Variants in ATP13A1 observed in about 807,000 individuals in gnomAD.
ATP13A1 encodes the protein ATPase 13A1, also known as endoplasmic reticulum transmembrane helix translocase.
A neutral mutation model predicts 134.8 loss-of-function variants in ATP13A1; 55 were observed. The ratio of observed to expected loss-of-function variants is 0.41; its 90% confidence interval spans 0.33 to 0.51. ATP13A1 has a LOEUF of 0.51. Ranked by LOEUF, ATP13A1 falls within the 20% of genes least tolerant of loss-of-function variation. ATP13A1 has a pLI of 0.29. For synonymous variants in ATP13A1, 775 were observed against 725.1 expected, an observed-to-expected ratio of 1.07 and a Z score of -1.10; for missense variants, 1,389 against 1,652.8, an observed-to-expected ratio of 0.84 and a Z score of 2.77.
At chr19:19,646,440 G>A (rs915366371) in intron 22 of ATP13A1, 93 bp from the exon 23 acceptor site, 3 of 1,466,166 alleles carry the variant, frequency 2.0e-6, no homozygotes, top group African/African-American at 1.4e-5. Context: ...TGCCTCCCGG[G>A]AGACCTTGTG....
rs370349231 is a variant in ATP13A1, at chr19:19,655,675, C to A, written c.1270-21G>T. The A allele has an allele frequency of 2.2e-4, 353 of 1,608,204 alleles. No homozygotes were observed. Among genetic ancestry groups the A allele is most frequent in the Non-Finnish European group, 2.9e-4 (340 of 1,177,438 alleles). On this transcript the variant is annotated intron_variant, in intron 9 of 25. Coordinates refer to ENST00000357324, the MANE Select transcript of ATP13A1 (RefSeq NM_020410.3). This position sits in a 1 kb window ranked among gnomAD's most constrained non-coding sequence, Gnocchi z 5.7. ...TTGCCCTGGAGGAATGGAGGAACAGCCTTTCTGCTGTCTGGACTCCCTCCA... is the reference window on the plus strand; with the variant it reads ...TTGCCCTGGAGGAATGGAGGAACAGACTTTCTGCTGTCTGGACTCCCTCCA...
In ATP13A1 at chr19:19,645,534, TGTCGG is replaced by T; in HGVS notation, c.3505-7_3505-3del. ...GACCTGGGCAATGACCAGCTTGAAC[TGTCGG>T]GGCAGGGAGGGATGGTGAGCTGGAG... On this transcript the variant is annotated splice_polypyrimidine_tract_variant and splice_region_variant and intron_variant, in intron 25 of 25. Coordinates refer to ENST00000357324, the MANE Select transcript of ATP13A1 (RefSeq NM_020410.3). The surrounding 1 kb of genome is among the most constrained non-coding windows in gnomAD (Gnocchi z 4.1). The T allele has an allele frequency of 6.3e-7, 1 of 1,594,962 alleles. No individual in the cohort carries two copies. The highest frequency in any genetic ancestry group is 8.5e-7 in the Non-Finnish European group (1 of 1,171,028).
chr19:19,647,845 C>T lies in ATP13A1; in HGVS notation c.2633-86G>A. On this transcript the variant is annotated intron_variant, in intron 19 of 25. Transcript: ENST00000357324. This position sits in a 1 kb window ranked among gnomAD's most constrained non-coding sequence, Gnocchi z 4.8. ...GCTTCAGAGCCACTGGTCCTGAAGT[C>T]CCCCAGCTGGCTCCCGTGAGGACAG... The T allele has an allele frequency of 1.4e-6, 2 of 1,463,054 alleles. No individual in the cohort carries two copies. The highest frequency in any genetic ancestry group is 2.5e-5 in the East Asian group (1 of 40,342). The allele number at this position is 1,463,054 out of a possible 1,614,324, so 90.6% of individuals were successfully genotyped here. A position where few individuals can be genotyped will look rare whatever the true frequency, so the allele number is the denominator to read the frequency against.
intron 23 of ATP13A1, 101 bp from the exon 24 acceptor site, chr19:19,646,086 C>A: frequency 6.3e-7 from 1 of 1,588,524 alleles, no homozygotes; most frequent in Non-Finnish European, 8.6e-7. Context: ...CTCTGCCTGG[C>A]CTAGTGCCCC....
Position 19,656,731 on chromosome 19 carries a change from C to T in ATP13A1, c.1012G>A (p.Val338Met). The change falls in exon 7 of 26, where the codon GTG becomes ATG. Residue 338 changes from valine to methionine, a missense_variant. Physicochemically the swap from Val to Met is conservative, Grantham distance 21. Around this residue, in one of 4 missense-constraint regions of ATP13A1, gnomAD observed 747 missense variants for 956.1 expected, o/e 0.78. Coordinates refer to ENST00000357324, the MANE Select transcript of ATP13A1 (RefSeq NM_020410.3). The surrounding 1 kb of genome is among the most constrained non-coding windows in gnomAD (Gnocchi z 4.6). The part of the protein sequence containing the change: ...SPQENLVPCD[V>M]LLLRGRCIVD... The stretch of plus-strand genomic sequence containing the variant: ...ATGCAGCGGCCTCGCAGCAGAAGCA[C>T]GTCACATGGCACCAGGTTCTCCTGT... The T allele has an allele frequency of 9.3e-6, 15 of 1,613,810 alleles. No homozygotes were observed. Among genetic ancestry groups the T allele is most frequent in the East Asian group, 2.2e-5 (1 of 44,890 alleles).
chr19:19,645,801 G>A lies in ATP13A1; in HGVS notation c.3361-11C>T. ...CATGAAGGGCGGGCCCTGTGGGGAT[G>A]AGGGACAGATGGCTTCATGGGGTGG... On this transcript the variant is annotated splice_polypyrimidine_tract_variant and intron_variant, in intron 24 of 25. Coordinates refer to ENST00000357324, the MANE Select transcript of ATP13A1 (RefSeq NM_020410.3). The surrounding 1 kb of genome is among the most constrained non-coding windows in gnomAD (Gnocchi z 4.1). 1 of 1,609,320 alleles carries A rather than the reference G, an allele frequency of 6.2e-7. No individual in the cohort carries two copies. The highest frequency in any genetic ancestry group is 8.5e-7 in the Non-Finnish European group (1 of 1,177,392).
chr19:19,655,008 G>T lies in ATP13A1; in HGVS notation c.1655+111C>A. The stretch of plus-strand genomic sequence containing the variant: ...GCCCCTGGAAATGAACCCGAGGCAG[G>T]GCCTCTGACGGGCCCTCACTGCAAG... On this transcript the variant is annotated intron_variant, in intron 12 of 25. Transcript: ENST00000357324. This position sits in a 1 kb window ranked among gnomAD's most constrained non-coding sequence, Gnocchi z 5.7. 1 of 1,476,400 alleles carries T rather than the reference G, an allele frequency of 6.8e-7. No homozygotes were observed. Among genetic ancestry groups the T allele is most frequent in the Non-Finnish European group, 9.0e-7 (1 of 1,107,276 alleles). 91.5% of individuals were successfully genotyped at this position (1,476,400 alleles called of 1,614,324 possible).
In ATP13A1 at chr19:19,647,258, C is replaced by G. The variant is rs368988566; in HGVS notation, c.2976G>C (p.Ala992=). The G allele has an allele frequency of 1.3e-4, 216 of 1,613,688 alleles. No homozygotes were observed. Among genetic ancestry groups the G allele is most frequent in the Admixed American group, 2.0e-4 (12 of 59,984 alleles). The change falls in exon 22 of 26, where the codon GCG becomes GCC. Residue 992 remains alanine (A), a synonymous_variant. Coordinates refer to ENST00000357324, the MANE Select transcript of ATP13A1 (RefSeq NM_020410.3). This position sits in a 1 kb window ranked among gnomAD's most constrained non-coding sequence, Gnocchi z 4.8. The part of the protein sequence containing the change: ...VTTLQMFKIL[A]LNALILAYSQ... ...TGTAGGCCAGGATGAGGGCATTGAG[C>G]GCCAGGATCTTGAACATCTGTAGCG...
Position 19,647,068 on chromosome 19 carries a change from A to G in ATP13A1, c.3105+61T>C, listed in dbSNP as rs879156343. 98 of 1,518,354 alleles carry G rather than the reference A, an allele frequency of 6.5e-5. No homozygotes were observed. The highest frequency in any genetic ancestry group is 1.6e-4 in the South Asian group (13 of 80,192). 94.1% of individuals were successfully genotyped at this position (1,518,354 alleles called of 1,614,324 possible). A position where few individuals can be genotyped will look rare whatever the true frequency, so the allele number is the denominator to read the frequency against. ...CTTGGGGATGACAATTCCCGTGCCT[A>G]TATCAGCCTGGCCCTGGCAGGCCCA... is the stretch of plus-strand genomic sequence containing the variant. On this transcript the variant is annotated intron_variant, in intron 22 of 25. Transcript: ENST00000357324. This position sits in a 1 kb window ranked among gnomAD's most constrained non-coding sequence, Gnocchi z 4.8.
chr19:19,659,736 T>C lies in ATP13A1; in HGVS notation c.542A>G (p.Tyr181Cys), dbSNP rs769968156. Residue 181 changes from tyrosine (Y) to cysteine (C), a missense_variant, in exon 3 of 26, where the codon TAC becomes TGC. By Grantham distance (194) the Tyr-to-Cys change is radical. This residue lies in a region of ATP13A1 where 293 missense variants were observed against 270.8 expected (regional missense o/e 1.08). Coordinates refer to ENST00000357324, the MANE Select transcript of ATP13A1 (RefSeq NM_020410.3). Reference protein sequence around the residue: ...SFEFQKIKYSYDALEKKQFLP... With the variant: ...SFEFQKIKYSCDALEKKQFLP... ...AAACTGCTTCTTCTCCAGGGCATCG[T>C]AGGAATACTTGATCTTCTGGAATTC... 3.1e-6 allele frequency: 5 copies of C among 1,613,918 alleles called. No homozygotes were observed. The highest frequency in any genetic ancestry group is 4.2e-6 in the Non-Finnish European group (5 of 1,179,860).
In ATP13A1 at chr19:19,655,496, G is replaced by C. The variant is rs778143088; in HGVS notation, c.1396+32C>G. 58 of 1,613,878 alleles carry C rather than the reference G, an allele frequency of 3.6e-5. No homozygotes were observed. Among genetic ancestry groups the C allele is most frequent in the Non-Finnish European group, 4.7e-5 (55 of 1,179,882 alleles). ...GCCAACCTGGAGCCTCGGAGGGTGG[G>C]CGCAGGGGACCACAGAGGCCGTGGC... On this transcript the variant is annotated intron_variant, in intron 10 of 25. Transcript: ENST00000357324. This position sits in a 1 kb window ranked among gnomAD's most constrained non-coding sequence, Gnocchi z 5.7.
chr19:19,661,231 C>A (rs1298959718), intron 1 of ATP13A1, among the ~76,000 whole-genome samples: 1 of 152,160 alleles, frequency 6.6e-6, no homozygotes, highest in African/African-American at 2.4e-5. Context: ...ATAGGAAGAA[C>A]GCTGCCAGGC....
chr19:19,645,329 TG>T lies in ATP13A1; in HGVS notation c.*92del. 2.3e-6 allele frequency: 3 copies of T among 1,333,004 alleles called. No individual in the cohort carries two copies. The highest frequency in any genetic ancestry group is 3.1e-6 in the Non-Finnish European group (3 of 958,490). The allele number at this position is 1,333,004 out of a possible 1,614,324, so 82.6% of individuals were successfully genotyped here. A position where few individuals can be genotyped will look rare whatever the true frequency, so the allele number is the denominator to read the frequency against. The stretch of plus-strand genomic sequence containing the variant: ...AGGGCGAGACTGTACAGCCTTGCTG[TG>T]GGGGGTTGGGGGCAGGGTTCCCTCC... On this transcript the variant is annotated 3_prime_UTR_variant, in exon 26 of 26. Transcript: ENST00000357324. This position sits in a 1 kb window ranked among gnomAD's most constrained non-coding sequence, Gnocchi z 4.1.
chr19:19,655,748 A>G lies in ATP13A1; in HGVS notation c.1270-94T>C, dbSNP rs1416926971. ...GGCCTGGTCTTGGGGTGGCCTCTGCACCCTGGCCCAGGTCCAGGGCCGTGC... is the reference window on the plus strand; with the variant it reads ...GGCCTGGTCTTGGGGTGGCCTCTGCGCCCTGGCCCAGGTCCAGGGCCGTGC... On this transcript the variant is annotated intron_variant, in intron 9 of 25. Coordinates refer to ENST00000357324, the MANE Select transcript of ATP13A1 (RefSeq NM_020410.3). The surrounding 1 kb of genome is among the most constrained non-coding windows in gnomAD (Gnocchi z 5.7). 4 of 1,540,732 alleles carry G rather than the reference A, an allele frequency of 2.6e-6. No individual in the cohort carries two copies. The highest frequency in any genetic ancestry group is 3.5e-6 in the Non-Finnish European group (4 of 1,142,162).
chr19:19,660,142 G>A (rs80106463), intron 1 of ATP13A1, among the ~76,000 whole-genome samples, 155 bp from the exon 2 acceptor site: 2,169 of 152,290 alleles, frequency 0.014, 22 homozygotes, highest in Non-Finnish European at 0.024. Flanking sequence ...TCTGTCATCA[G>A]GACAAACGAG....
intron 1 of ATP13A1, chr19:19,662,138 C>A (rs767049954): frequency 6.4e-7 from 1 of 1,559,124 alleles, no homozygotes; most frequent in Non-Finnish European, 8.7e-7. Context: ...AAGTTAAGAG[C>A]TAAGCTGCTT....
chr19:19,645,855 G>A lies in ATP13A1; in HGVS notation c.3360+19C>T, dbSNP rs370858785. 1 of 1,613,180 alleles carries A rather than the reference G, an allele frequency of 6.2e-7. No homozygotes were observed. Among genetic ancestry groups the A allele is most frequent in the African/African-American group, 1.3e-5 (1 of 74,944 alleles). On this transcript the variant is annotated intron_variant, in intron 24 of 25. Transcript: ENST00000357324. This position sits in a 1 kb window ranked among gnomAD's most constrained non-coding sequence, Gnocchi z 4.1. ...TGGGTGGGCAGACAGTGAATGTTTGGGCAGGGCCCAGGCCTTACTTTGTAA... is the reference window on the plus strand; with the variant it reads ...TGGGTGGGCAGACAGTGAATGTTTGAGCAGGGCCCAGGCCTTACTTTGTAA...
intron 22 of ATP13A1, chr19:19,646,801 G>A (rs1056432605): frequency 4.9e-6 from 2 of 410,684 alleles, no homozygotes; most frequent in Admixed American, 4.0e-5. Flanking sequence ...CTCCCCAGCT[G>A]TCCACCAGCC....
At chr19:19,660,152 G>C (rs1599438506) in intron 1 of ATP13A1, among the ~76,000 whole-genome samples, 165 bp from the exon 2 acceptor site, 1 of 152,198 alleles carries the variant, frequency 6.6e-6, no homozygotes, top group Non-Finnish European at 1.5e-5. Context: ...GGACAAACGA[G>C]ACCATCTTGC....
Sources: allele counts gnomAD v4.1 joint callset (sites outside exome capture counted in the v4.1 genomes callset), GRCh38; gene constraint gnomAD v4.1.1; regional missense constraint gnomAD v4.1.1; non-coding constraint Gnocchi (gnomAD v3.1); transcripts MANE v1.5; gene names NCBI Gene and HGNC (gene_info 2026-07-23, HGNC 2026-07-21).